Variants in SCD observed in about 807,000 individuals in gnomAD.
SCD encodes the protein acyl-CoA desaturase.
A neutral mutation model predicts 35.7 loss-of-function variants in SCD; 4 were observed. The ratio of observed to expected loss-of-function variants is 0.11; its 90% CI spans 0.06 to 0.26. The LOEUF (loss-of-function observed/expected upper bound fraction) is 0.26. Among genes scored for constraint, SCD ranks in the 10% least tolerant of loss-of-function variants. SCD has a pLI of 1.00. For missense variants in SCD, 282 were observed against 460.7 expected, an observed-to-expected ratio of 0.61 and a Z score of 3.55; for synonymous variants, 150 against 170.2, an observed-to-expected ratio of 0.88 and a Z score of 0.92.
At chr10:100,351,503 T>C (rs1046640680) in intron 2 of SCD, among the ~76,000 whole-genome samples, 20 of 152,152 alleles carry the variant, frequency 1.3e-4, no homozygotes, top group African/African-American at 4.1e-4. Flanking sequence ...GGCTAATTTT[T>C]CCCTGATTTG....
In SCD at chr10:100,356,114, G is replaced by A. The variant is rs151196402; in HGVS notation, c.648-418G>A. On this transcript the variant is annotated intron_variant, in intron 4 of 5. Transcript: ENST00000370355. This position sits in a 1 kb window ranked among gnomAD's most constrained non-coding sequence, Gnocchi z 4.1. ...GCGATGGCCGGGCATGGTGGCTCAT[G>A]CCCGTAATCCCAGCACTTTGGGAGG... Among the ~76,000 whole-genome samples, 308 of 152,290 alleles carry A rather than the reference G, an allele frequency of 2.0e-3. 1 individual carries two copies. The highest frequency in any genetic ancestry group is 6.9e-3 in the African/African-American group (287 of 41,562).
At position 100,360,781 on chromosome 10, in the gene SCD, G is replaced by T; in HGVS notation, c.928G>T (p.Ala310Ser). Residue 310 changes from alanine (A) to serine (S), a missense_variant, in exon 6 of 6, where the codon GCC becomes TCC. Ala to Ser is a moderately conservative substitution (Grantham distance 99). Coordinates refer to ENST00000370355, the MANE Select transcript of SCD (RefSeq NM_005063.5). ...YHHSFPYDYS[A>S]SEYRWHINFT... is the part of the protein sequence containing the mutation. Reference sequence around the variant, plus strand: ...CCACTCCTTTCCCTATGACTACTCTGCCAGTGAGTACCGCTGGCACATCAA... The same window carrying T: ...CCACTCCTTTCCCTATGACTACTCTTCCAGTGAGTACCGCTGGCACATCAA... 6.2e-7 allele frequency: 1 copy of T among 1,613,942 alleles called. No homozygotes were observed. The highest frequency in any genetic ancestry group is 8.5e-7 in the Non-Finnish European group (1 of 1,179,856).
chr10:100,349,403 G>A (rs1403859769), intron 2 of SCD, among the ~76,000 whole-genome samples: 1 of 152,214 alleles, frequency 6.6e-6, no homozygotes, highest in Non-Finnish European at 1.5e-5. Context: ...TCTAAGGGGT[G>A]GTGAGCCAGG....
chr10:100,352,328 C>A lies in SCD; in HGVS notation c.311-38C>A. 1 of 1,605,788 alleles carries A rather than the reference C, an allele frequency of 6.2e-7. No homozygotes were observed. The highest frequency in any genetic ancestry group is 2.2e-5 in the East Asian group (1 of 44,742). ...GGCATCCTTTCCCAGATGGAACTCA[C>A]ACTGATTGGTGACTCCCCCACTGTC... On this transcript the variant is annotated intron_variant, in intron 2 of 5. Coordinates refer to ENST00000370355, the MANE Select transcript of SCD (RefSeq NM_005063.5). The surrounding 1 kb of genome is among the most constrained non-coding windows in gnomAD (Gnocchi z 4.2).
chr10:100,351,420 G>A (rs1053231675), intron 2 of SCD, among the ~76,000 whole-genome samples: 1 of 152,180 alleles, frequency 6.6e-6, no homozygotes, highest in Non-Finnish European at 1.5e-5. Flanking sequence ...TCTTGGGGGA[G>A]GTGGATGGTA....
intron 5 of SCD, among the ~76,000 whole-genome samples, chr10:100,358,406 A>G (rs1270366859): frequency 6.6e-6 from 1 of 151,870 alleles, no homozygotes; most frequent in Non-Finnish European, 1.5e-5. Context: ...CCTGGCTAAC[A>G]AGGTGAAACC....
chr10:100,357,846 C>T (rs940280179), intron 5 of SCD, among the ~76,000 whole-genome samples: 11 of 152,162 alleles, frequency 7.2e-5, no homozygotes, highest in African/African-American at 1.9e-4. Flanking sequence ...ATAGATCTGG[C>T]GACCTCTTCT....
intron 5 of SCD, among the ~76,000 whole-genome samples, chr10:100,358,747 TAAAAAA>T (rs11381871): frequency 2.7e-5 from 3 of 112,902 alleles, no homozygotes; most frequent in Non-Finnish European, 5.3e-5. Flanking sequence ...TGTCTCTACT[TAAAAAA>T]AAAAAAAAAA....
rs755423713 is a variant in SCD at position 100,356,637 on chromosome 10, C to G, written c.753C>G (p.Phe251Leu). The G allele has an allele frequency of 6.2e-7, 1 of 1,614,140 alleles. No homozygotes were observed. Among genetic ancestry groups the G allele is most frequent in the East Asian group, 2.2e-5 (1 of 44,898 alleles). ...TFQNSVFVAT[F>L]LRYAVVLNAT... The stretch of plus-strand genomic sequence containing the variant: ...AAAACAGTGTGTTCGTTGCCACTTT[C>G]TTGCGATATGCTGTGGTGCTTAATG... The change falls in exon 5 of 6, where the codon TTC (phenylalanine) becomes TTG (leucine). Residue 251 changes from phenylalanine (F) to leucine (L), a missense_variant. By Grantham distance (22) the Phe-to-Leu change is conservative. Coordinates refer to ENST00000370355, the MANE Select transcript of SCD (RefSeq NM_005063.5). The surrounding 1 kb of genome is among the most constrained non-coding windows in gnomAD (Gnocchi z 4.1).
intron 2 of SCD, among the ~76,000 whole-genome samples, chr10:100,351,816 A>G (rs1849875682): frequency 6.6e-6 from 1 of 152,126 alleles, no homozygotes; most frequent in African/African-American, 2.4e-5. Flanking sequence ...AATTTTTAAA[A>G]TTATCTGTAG....
chr10:100,356,040 G>A lies in SCD; in HGVS notation c.648-492G>A, dbSNP rs1849923959. ...ACGTCTGTTCATTAGTTTGTAGTTTGGACCTCACCTATCTTACCAATGTGG... is the reference window on the plus strand; with the variant it reads ...ACGTCTGTTCATTAGTTTGTAGTTTAGACCTCACCTATCTTACCAATGTGG... On this transcript the variant is annotated intron_variant, in intron 4 of 5. Transcript: ENST00000370355. The surrounding 1 kb of genome is among the most constrained non-coding windows in gnomAD (Gnocchi z 4.1). Among the ~76,000 whole-genome samples, 1 of 152,162 alleles carries A rather than the reference G, an allele frequency of 6.6e-6. No homozygotes were observed. The highest frequency in any genetic ancestry group is 2.1e-4 in the South Asian group (1 of 4,828).
Position 100,361,123 on chromosome 10 carries a change from T to G in SCD, c.*190T>G, listed in dbSNP as rs182652611. ...CTGCCTTTATGATGCTAAGCTGATA[T>G]TATTTCTTCTCTTATCCTCTCTCTC... On this transcript the variant is annotated 3_prime_UTR_variant, in exon 6 of 6. Coordinates refer to ENST00000370355, the MANE Select transcript of SCD (RefSeq NM_005063.5). 7.2e-5 allele frequency: 43 copies of G among 594,016 alleles called. No individual in the cohort carries two copies. In the East Asian group the frequency reaches 1.2e-3, roughly 17 times the overall value. The allele number at this position is 594,016 out of a possible 1,614,324, so 36.8% of individuals were successfully genotyped here. A position where few individuals can be genotyped will look rare whatever the true frequency, so the allele number is the denominator to read the frequency against.
In SCD at chr10:100,361,526, G is replaced by A. The variant is rs202164681; in HGVS notation, c.*593G>A. The A allele has an allele frequency of 6.5e-6, 1 of 153,560 alleles. No individual in the cohort carries two copies. The highest frequency in any genetic ancestry group is 1.4e-5 in the Non-Finnish European group (1 of 69,002). The allele number at this position is 153,560 out of a possible 1,614,324, so 9.5% of individuals were successfully genotyped here. ...TGTAAGGATGAGGGAAGCGAAGCAA[G>A]AGGAACCTCTCGCCATGATCAGACA... On this transcript the variant is annotated 3_prime_UTR_variant, in exon 6 of 6. Transcript: ENST00000370355.
intron 5 of SCD, among the ~76,000 whole-genome samples, chr10:100,359,348 C>T (rs1007487214): frequency 2.6e-5 from 4 of 152,158 alleles, no homozygotes; most frequent in Non-Finnish European, 4.4e-5. Flanking sequence ...CCAAATTAAC[C>T]TTCTCCCTTG....
intron 4 of SCD, among the ~76,000 whole-genome samples, 171 bp downstream of exon 4, chr10:100,354,803 T>G (rs139749590): frequency 6.6e-6 from 1 of 152,244 alleles, no homozygotes; most frequent in Admixed American, 6.5e-5. Context: ...CCCGTAGCCA[T>G]AGACTATTGC....
chr10:100,360,943 C>G lies in SCD; in HGVS notation c.*10C>G, dbSNP rs1849984390. ...CTACAAGAGTGGCTGAGTTTGGGGT[C>G]CCTCAGGTTCCTTTTTCAAAAACCA... On this transcript the variant is annotated 3_prime_UTR_variant, in exon 6 of 6. Coordinates refer to ENST00000370355, the MANE Select transcript of SCD (RefSeq NM_005063.5). The G allele has an allele frequency of 1.9e-6, 3 of 1,611,756 alleles. No individual in the cohort carries two copies. In the East Asian group the frequency reaches 6.7e-5, roughly 36 times the overall value.
At chr10:100,347,895 A>G (rs1849817783) in intron 1 of SCD, among the ~76,000 whole-genome samples, 169 bp from the exon 2 acceptor site, 1 of 151,744 alleles carries the variant, frequency 6.6e-6, no homozygotes, top group African/African-American at 2.4e-5. Flanking sequence ...GTACAGTTTC[A>G]GGGAACTTTT....
rs369488118 is a variant in SCD, at chr10:100,356,481, G to T, written c.648-51G>T. ...CTCCCAATTAGTGTGGAAGATCCAT[G>T]TAGGTGTGGAGTCCCCCTCCATTGA... On this transcript the variant is annotated intron_variant, in intron 4 of 5. Transcript: ENST00000370355. This position sits in a 1 kb window ranked among gnomAD's most constrained non-coding sequence, Gnocchi z 4.1. 9.1e-6 allele frequency: 12 copies of T among 1,319,570 alleles called. No individual in the cohort carries two copies. Among genetic ancestry groups the T allele is most frequent in the Non-Finnish European group, 1.3e-5 (12 of 912,768 alleles). 81.7% of individuals were successfully genotyped at this position (1,319,570 alleles called of 1,614,324 possible).
chr10:100,354,100 C>T (rs1218413870), intron 3 of SCD, among the ~76,000 whole-genome samples: 1 of 152,242 alleles, frequency 6.6e-6, no homozygotes, highest in East Asian at 1.9e-4. Context: ...TTCCAACATT[C>T]CTTGCTTAAA....
Sources: allele counts gnomAD v4.1 joint callset (sites outside exome capture counted in the v4.1 genomes callset), GRCh38; gene constraint gnomAD v4.1.1; non-coding constraint Gnocchi (gnomAD v3.1); transcripts MANE v1.5; gene names NCBI Gene and HGNC (gene_info 2026-07-23, HGNC 2026-07-21).